PTPRO: variants seen among roughly 807,000 people sequenced by gnomAD.
PTPRO encodes the protein receptor-type tyrosine-protein phosphatase O.
PTPRO carries 62 observed loss-of-function variants against 145.2 expected under a neutral mutation model. That is an observed-to-expected ratio of 0.43 (90% CI 0.35 to 0.53). PTPRO has a LOEUF of 0.53. PTPRO is among the 20% of genes least tolerant of loss of function. PTPRO has a pLI of 0.01. For synonymous variants in PTPRO, 565 were observed against 514.7 expected, an observed-to-expected ratio of 1.10 and a Z score of -1.32; for missense variants, 1,345 against 1,482.7, an observed-to-expected ratio of 0.91 and a Z score of 1.53.
chr12:15,473,209 T>C (rs1225506254), intron 1 of PTPRO, among the ~76,000 whole-genome samples: 1 of 152,178 alleles, frequency 6.6e-6, no homozygotes, highest in African/African-American at 2.4e-5. Context: ...CGATAACTAA[T>C]AACACTTCAG....
chr12:15,468,065 T>TTTCTTTA (rs554681702), intron 1 of PTPRO, among the ~76,000 whole-genome samples: 1 of 152,310 alleles, frequency 6.6e-6, no homozygotes, highest in Middle Eastern at 3.4e-3. Context: ...TTATTCCAGA[T>TTTCTTTA]TTCTTTATTC....
At chr12:15,532,574 A>G (rs531828447) in intron 12 of PTPRO, among the ~76,000 whole-genome samples, 5 of 152,270 alleles carry the variant, frequency 3.3e-5, no homozygotes, top group African/African-American at 1.2e-4. Context: ...AACACCCTCA[A>G]GGGGGCACTA....
chr12:15,327,623 A>G (rs1866483687), intron 1 of PTPRO, among the ~76,000 whole-genome samples: 1 of 152,226 alleles, frequency 6.6e-6, no homozygotes, highest in Non-Finnish European at 1.5e-5. Context: ...TTCTATAGTC[A>G]TCTTAAATAC....
At chr12:15,514,679 C>A (rs1942538987) in intron 7 of PTPRO, among the ~76,000 whole-genome samples, 1 of 151,816 alleles carries the variant, frequency 6.6e-6, no homozygotes, top group Non-Finnish European at 1.5e-5. Context: ...CATTCTCTGG[C>A]TTTACTTTAT....
At chr12:15,448,432 T>C (rs1342060486) in intron 1 of PTPRO, among the ~76,000 whole-genome samples, 1 of 150,182 alleles carries the variant, frequency 6.7e-6, no homozygotes, top group Non-Finnish European at 1.5e-5. Flanking sequence ...AGAAAGGCCT[T>C]GCACTGTAAG....
At chr12:15,558,379 G>A (rs901601569) in intron 16 of PTPRO, among the ~76,000 whole-genome samples, 2 of 152,172 alleles carry the variant, frequency 1.3e-5, no homozygotes, top group African/African-American at 4.8e-5. Context: ...AGAAAACATG[G>A]CTTCATTTTT....
intron 1 of PTPRO, among the ~76,000 whole-genome samples, chr12:15,394,181 A>G (rs1456462459): frequency 6.6e-6 from 1 of 152,154 alleles, no homozygotes; most frequent in Non-Finnish European, 1.5e-5. Context: ...AGAGGGCACA[A>G]ACACTCAAAC....
intron 1 of PTPRO, among the ~76,000 whole-genome samples, chr12:15,327,051 CTG>C (rs1371849700): frequency 2.0e-5 from 3 of 152,034 alleles, no homozygotes; most frequent in Non-Finnish European, 4.4e-5. Context: ...AAAGCTCTGA[CTG>C]AGAATTATGA....
At chr12:15,439,231 T>C (rs1291925888) in intron 1 of PTPRO, among the ~76,000 whole-genome samples, 2 of 152,164 alleles carry the variant, frequency 1.3e-5, no homozygotes, top group African/African-American at 2.4e-5. Context: ...CCTAGGGGAA[T>C]TCATTACCAC....
intron 3 of PTPRO, among the ~76,000 whole-genome samples, chr12:15,498,225 T>C (rs770562004): frequency 2.0e-5 from 3 of 152,198 alleles, no homozygotes; most frequent in Non-Finnish European, 2.9e-5. Flanking sequence ...ACTCATTTCT[T>C]CAATGGATTT....
At chr12:15,433,830 G>T (rs1033805261) in intron 1 of PTPRO, among the ~76,000 whole-genome samples, 1 of 152,126 alleles carries the variant, frequency 6.6e-6, no homozygotes, top group East Asian at 1.9e-4. Context: ...GATTGCCTTG[G>T]CTATTCAGAC....
chr12:15,572,691 T>C (rs899104396), intron 19 of PTPRO, among the ~76,000 whole-genome samples: 5 of 152,232 alleles, frequency 3.3e-5, no homozygotes, highest in East Asian at 1.9e-4. Context: ...AGAAGTTGTG[T>C]ATTTAAAAAA....
intron 1 of PTPRO, among the ~76,000 whole-genome samples, chr12:15,477,367 G>A (rs991094660): frequency 4.3e-5 from 5 of 115,280 alleles, no homozygotes; most frequent in African/African-American, 1.3e-4. Flanking sequence ...GGGGGGAGGG[G>A]GGAGGGATAG....
In PTPRO at chr12:15,580,061, A is replaced by G. The variant is rs781438797; in HGVS notation, c.2943A>G (p.Leu981=). The change falls in exon 21 of 27, where the codon TTA becomes TTG. Residue 981 remains leucine, a synonymous_variant. Coordinates refer to ENST00000281171, the MANE Select transcript of PTPRO (RefSeq NM_030667.3). ...CAGATGACTTCAGCCGTGTGAGATT[A>G]GTCTCCATGAATGAAGAGGAAGGTG... ...ILPYDFSRVR[L]VSMNEEEGAD... is the part of the protein sequence containing the mutation. 6.2e-7 allele frequency: 1 copy of G among 1,612,964 alleles called. No individual in the cohort carries two copies. The highest frequency in any genetic ancestry group is 1.1e-5 in the South Asian group (1 of 91,074).
intron 1 of PTPRO, among the ~76,000 whole-genome samples, chr12:15,473,841 A>G (rs1221140318): frequency 6.6e-6 from 1 of 151,952 alleles, no homozygotes; most frequent in African/African-American, 2.4e-5. Context: ...TTGAAATACA[A>G]CTAGTATTTA....
chr12:15,590,707 G>A (rs554688770), intron 25 of PTPRO, among the ~76,000 whole-genome samples: 6 of 152,290 alleles, frequency 3.9e-5, no homozygotes, highest in African/African-American at 1.2e-4. Context: ...ACTTGGGAAA[G>A]AGTTATCCTC....
At chr12:15,418,577 T>C (rs1466593022) in intron 1 of PTPRO, among the ~76,000 whole-genome samples, 1 of 151,694 alleles carries the variant, frequency 6.6e-6, no homozygotes, top group Non-Finnish European at 1.5e-5. Flanking sequence ...AACATTAATC[T>C]AGAATTTGAA....
chr12:15,341,543 C>G (rs1866985546), intron 1 of PTPRO, among the ~76,000 whole-genome samples: 1 of 152,176 alleles, frequency 6.6e-6, no homozygotes, highest in African/African-American at 2.4e-5. Flanking sequence ...CTGGAGAGCT[C>G]AGCATTTCAT....
At chr12:15,583,992 T>C (rs1437192353) in intron 23 of PTPRO, among the ~76,000 whole-genome samples, 1 of 152,234 alleles carries the variant, frequency 6.6e-6, no homozygotes, top group Middle Eastern at 3.2e-3. Context: ...ACGTTTTTAC[T>C]CAAATGCAGA....
Sources: allele counts gnomAD v4.1 joint callset (sites outside exome capture counted in the v4.1 genomes callset), GRCh38; gene constraint gnomAD v4.1.1; transcripts MANE v1.5; gene names NCBI Gene and HGNC (gene_info 2026-07-23, HGNC 2026-07-21).